The following CCND3 variants were observed in gnomAD, a reference collection of about 807,000 sequenced individuals.
CCND3 encodes the protein G1/S-specific cyclin-D3.
A neutral mutation model predicts 28.7 loss-of-function variants in CCND3; 9 were observed. That is an observed-to-expected ratio of 0.31 (90% CI 0.19 to 0.55). CCND3 has a LOEUF of 0.55. Ranked by LOEUF, CCND3 falls within the 20% of genes least tolerant of loss-of-function variation. The probability of loss-of-function intolerance (pLI) is 0.93; values close to 1 mark genes in which losing one functional copy is unlikely to be tolerated. For missense variants in CCND3, 315 were observed against 385.8 expected (o/e 0.82, Z 1.54); for synonymous variants, 164 against 163.9 (o/e 1.00, Z 0.00).
chr6:41,940,388 GAC>G lies in CCND3; in HGVS notation c.394_395del (p.Val132LeufsTer27). The G allele has an allele frequency of 6.2e-7, 1 of 1,614,072 alleles. No individual in the cohort carries two copies. Among genetic ancestry groups the G allele is most frequent in the Non-Finnish European group, 8.5e-7 (1 of 1,179,976 alleles). On this transcript the variant is annotated frameshift_variant, in exon 2 of 5. Transcript: ENST00000372991. LOFTEE classifies it high-confidence loss of function. ...CACGCACCCGCAACTGGCGGGGAGAGACAGCGTGGTCGGTGTAGATGCACAGT... is the reference window on the plus strand; with the variant it reads ...CACGCACCCGCAACTGGCGGGGAGAGAGCGTGGTCGGTGTAGATGCACAGT... ...EKLCIYTDHA[V>X]SPRQLRDWEV...
intron 1 of CCND3, among the ~76,000 whole-genome samples, chr6:42,026,721 G>T (rs140042447): frequency 2.0e-5 from 3 of 152,262 alleles, no homozygotes; most frequent in Admixed American, 2.0e-4. Context: ...CATGTGATCA[G>T]CTGGTGACCA....
In CCND3 at chr6:42,048,667, C is replaced by T. The variant is rs747744173; in HGVS notation, c.-212G>A. ...GGCATCCGAACAGAGCCAGTCTCCA[C>T]CCCTGCAGTGGCGAAGTGTTTACAA... On this transcript the variant is annotated 5_prime_UTR_variant, in exon 1 of 5. Transcript: ENST00000372988. This position sits in a 1 kb window ranked among gnomAD's most constrained non-coding sequence, Gnocchi z 4.7. The T allele has an allele frequency of 5.8e-6, 3 of 518,230 alleles. No individual in the cohort carries two copies. Among genetic ancestry groups the T allele is most frequent in the African/African-American group, 1.9e-5 (1 of 51,950 alleles). The allele number at this position is 518,230 out of a possible 1,614,324, so 32.1% of individuals were successfully genotyped here. A position where few individuals can be genotyped will look rare whatever the true frequency, so the allele number is the denominator to read the frequency against.
At chr6:42,044,078 G>A (rs959658644) in intron 1 of CCND3, among the ~76,000 whole-genome samples, 3 of 152,248 alleles carry the variant, frequency 2.0e-5, no homozygotes, top group Non-Finnish European at 2.9e-5. Context: ...GGGCACACGG[G>A]TCCCTCTCTC....
chr6:41,978,026 G>A (rs1010214483), intron 1 of CCND3, among the ~76,000 whole-genome samples: 1 of 151,736 alleles, frequency 6.6e-6, no homozygotes, highest in African/African-American at 2.4e-5. Flanking sequence ...CTGCACTCTA[G>A]CCTGGGTGAC....
chr6:41,940,653 C>T (rs2127394154), intron 1 of CCND3, 68 bp from the exon 2 acceptor site: 1 of 1,126,456 alleles, frequency 8.9e-7, no homozygotes, highest in Non-Finnish European at 1.3e-6. Context: ...GGGGTGGGAG[C>T]GCTGAAGTGA....
At chr6:42,008,172 G>C (rs1439189110) in intron 1 of CCND3, among the ~76,000 whole-genome samples, 1 of 152,138 alleles carries the variant, frequency 6.6e-6, no homozygotes, top group Non-Finnish European at 1.5e-5. Context: ...CCTCAGGTCA[G>C]GGGTTCGAGA....
chr6:41,979,171 C>CAAA (rs58797317), intron 1 of CCND3, among the ~76,000 whole-genome samples: 26,613 of 86,998 alleles, frequency 0.31, 4,809 homozygotes, highest in Middle Eastern at 0.4. Context: ...AACTCTGTCT[C>CAAA]AAAAAAAAAA....
intron 1 of CCND3, among the ~76,000 whole-genome samples, chr6:41,949,632 A>C (rs1297424532): frequency 6.6e-6 from 1 of 151,926 alleles, no homozygotes; most frequent in African/African-American, 2.4e-5. Context: ...TATCTATATT[A>C]CTTGAGTTGA....
intron 1 of CCND3, 156 bp from the exon 2 acceptor site, chr6:41,940,741 C>T: frequency 1.3e-6 from 1 of 747,570 alleles, no homozygotes; most frequent in Admixed American, 2.1e-5. Context: ...GAGGATGCGC[C>T]CTCCCCAAGG....
Position 41,936,094 on chromosome 6 carries a change from G to T in CCND3, c.725C>A (p.Ala242Asp). 6.3e-7 allele frequency: 1 copy of T among 1,595,272 alleles called. No individual in the cohort carries two copies. The highest frequency in any genetic ancestry group is 1.3e-5 in the African/African-American group (1 of 74,526). Residue 242 changes from alanine to aspartate, a missense_variant, in exon 5 of 5, where the codon GCC (alanine) becomes GAC (aspartate). Ala to Asp is a moderately radical substitution (Grantham distance 126). Coordinates refer to ENST00000372991, the MANE Select transcript of CCND3 (RefSeq NM_001760.5). This position sits in a 1 kb window ranked among gnomAD's most constrained non-coding sequence, Gnocchi z 4.4. ...TGCAGCTTCGATCTGCTCCTGACAG[G>T]CCCGCAGGCAGTCCTGGGAACATGG... Reference protein sequence around the residue: ...ITGTEVDCLRACQEQIEAALR... With the variant: ...ITGTEVDCLRDCQEQIEAALR...
chr6:41,981,231 A>G (rs1762337384), intron 1 of CCND3, among the ~76,000 whole-genome samples: 1 of 152,200 alleles, frequency 6.6e-6, no homozygotes, highest in Middle Eastern at 3.4e-3. Context: ...TTTGAGATGG[A>G]GTCTCCCTCT....
intron 1 of CCND3, among the ~76,000 whole-genome samples, chr6:41,956,291 C>CA (rs891937876): frequency 1.3e-5 from 2 of 151,002 alleles, no homozygotes; most frequent in African/African-American, 4.9e-5. Context: ...GACTCCTTCT[C>CA]AAAAAAAATA....
intron 1 of CCND3, among the ~76,000 whole-genome samples, chr6:41,989,676 T>C (rs535181386): frequency 4.4e-4 from 67 of 152,222 alleles, no homozygotes; most frequent in African/African-American, 1.4e-3. Context: ...CATTGGCATA[T>C]CAAGTGCTGG....
chr6:42,022,100 A>AAC (rs1228007878), intron 1 of CCND3, among the ~76,000 whole-genome samples: 1 of 152,222 alleles, frequency 6.6e-6, no homozygotes, highest in Admixed American at 6.5e-5. Flanking sequence ...GTGTGAGATG[A>AAC]GACAGTATGA....
intron 1 of CCND3, among the ~76,000 whole-genome samples, chr6:42,030,423 A>G (rs1278931898): frequency 6.6e-6 from 1 of 152,096 alleles, no homozygotes; most frequent in Non-Finnish European, 1.5e-5. Context: ...TACTATGATG[A>G]GGCTATGATG....
chr6:41,962,247 C>T (rs982730517), intron 1 of CCND3, among the ~76,000 whole-genome samples: 12 of 152,086 alleles, frequency 7.9e-5, no homozygotes, highest in African/African-American at 2.7e-4. Context: ...ATTACAGGTG[C>T]GTGCCACCAC....
chr6:42,031,675 T>A (rs1003663805), intron 1 of CCND3, among the ~76,000 whole-genome samples: 4 of 152,256 alleles, frequency 2.6e-5, no homozygotes, highest in African/African-American at 9.6e-5. Context: ...GTTAACACTG[T>A]GGTATATTTC....
At chr6:42,003,938 CAAA>C (rs34911832) in intron 1 of CCND3, among the ~76,000 whole-genome samples, 14 of 85,354 alleles carry the variant, frequency 1.6e-4, no homozygotes, top group South Asian at 4.0e-4. Context: ...GACCCTATCT[CAAA>C]AAAAAAAAAA....
intron 1 of CCND3, among the ~76,000 whole-genome samples, chr6:42,021,354 C>T (rs1663765875): frequency 6.6e-6 from 1 of 152,158 alleles, no homozygotes; most frequent in Non-Finnish European, 1.5e-5. Context: ...TGTTCTGTTT[C>T]CCCTCACTCA....
Sources: gnomAD v4.1 joint callset for allele counts (sites outside exome capture counted in the v4.1 genomes callset) on GRCh38, gnomAD v4.1.1 for gene constraint, Gnocchi (gnomAD v3.1) non-coding constraint, MANE v1.5 for transcripts, NCBI Gene and HGNC (gene_info 2026-07-23, HGNC 2026-07-21) for gene names.